The following GALK1 variants were observed in gnomAD, a reference collection of about 807,000 sequenced individuals.
The protein encoded by GALK1 is galactokinase 1.
A neutral mutation model predicts 38.6 loss-of-function variants in GALK1; 30 were observed. That is an observed-to-expected ratio of 0.78 (90% CI 0.58 to 1.05). The LOEUF (loss-of-function observed/expected upper bound fraction) is 1.05. Among genes scored for constraint, GALK1 ranks in the 50% least tolerant of loss-of-function variants. The pLI is 0.00. For synonymous variants in GALK1, 240 were observed against 233.6 expected (o/e 1.03, Z -0.25); for missense variants, 512 against 540.5 (o/e 0.95, Z 0.52).
At position 75,762,888 on chromosome 17, in the gene GALK1, G is replaced by A. The variant is rs375072769; in HGVS notation, c.612-3C>T. ...GCACCAGGCTGGTCTCCAAGGACCT[G>A]GGGTGGAGTTACAATGGGGGAGATG... is the stretch of plus-strand genomic sequence containing the variant. On this transcript the variant is annotated splice_region_variant and splice_polypyrimidine_tract_variant and intron_variant, in intron 4 of 7. Coordinates refer to ENST00000588479, the MANE Select transcript of GALK1 (RefSeq NM_000154.2). 4.9e-5 allele frequency: 79 copies of A among 1,613,146 alleles called. No individual in the cohort carries two copies. Among genetic ancestry groups the A allele is most frequent in the Non-Finnish European group, 6.4e-5 (75 of 1,179,896 alleles).
chr17:75,763,837 T>G, intron 2 of GALK1, 60 bp downstream of exon 2: 1 of 1,470,584 alleles, frequency 6.8e-7, no homozygotes, highest in South Asian at 1.2e-5. Context: ...ATGGGCTCTG[T>G]GGCTGTGAGG....
At chr17:75,756,305 C>A, downstream of GALK1, 1 of 1,066,036 alleles carries the variant, frequency 9.4e-7, no homozygotes, top group Non-Finnish European at 1.4e-6. Context: ...CAACCTGTAC[C>A]CAAACCACAG....
downstream of GALK1, chr17:75,754,779 A>G (rs1401821768): frequency 6.2e-7 from 1 of 1,612,518 alleles, no homozygotes; most frequent in Non-Finnish European, 8.5e-7. Context: ...CACACTGCCC[A>G]GGGACTACTC....
chr17:75,753,356 G>A (rs1176124148), downstream of GALK1, among the ~76,000 whole-genome samples: 1 of 152,162 alleles, frequency 6.6e-6, no homozygotes, highest in African/African-American at 2.4e-5. Flanking sequence ...CGAAGCGCTC[G>A]GTGGCTTGCG....
At chr17:75,760,541 G>A (rs1464371319) in intron 5 of GALK1, among the ~76,000 whole-genome samples, 2 of 151,140 alleles carry the variant, frequency 1.3e-5, no homozygotes, top group African/African-American at 2.4e-5. Flanking sequence ...CAAGGCAGGC[G>A]GATCACTTGA....
At chr17:75,762,645 C>T (rs2061591994) in intron 5 of GALK1, 59 bp downstream of exon 5, 2 of 1,590,176 alleles carry the variant, frequency 1.3e-6, no homozygotes, top group South Asian at 2.2e-5. Context: ...CAAGGCCACA[C>T]TGAGGCGCCA....
chr17:75,753,223 G>A (rs1283757684), downstream of GALK1, among the ~76,000 whole-genome samples: 1 of 152,226 alleles, frequency 6.6e-6, no homozygotes, highest in Non-Finnish European at 1.5e-5. Context: ...AGCTGCCCCC[G>A]GTGAACACAT....
At chr17:75,754,811 C>T (rs2061450259), downstream of GALK1, 2 of 1,614,082 alleles carry the variant, frequency 1.2e-6, no homozygotes, top group East Asian at 4.5e-5. Context: ...CCGTCTCCTC[C>T]CACGGTGAGT....
Position 75,763,399 on chromosome 17 carries a change from T to A in GALK1, c.396A>T (p.Ser132=). 6.2e-7 allele frequency: 1 copy of A among 1,612,124 alleles called. No individual in the cohort carries two copies. Among genetic ancestry groups the A allele is most frequent in the Non-Finnish European group, 8.5e-7 (1 of 1,179,300 alleles). ...LPGFSAVVVS[S]VPLGGGLSSS... Reference sequence around the variant, plus strand: ...TGGACAGGCCACCCCCCAGGGGCACTGAGCTGACCACCACTGCACTGAAGC... The same window carrying A: ...TGGACAGGCCACCCCCCAGGGGCACAGAGCTGACCACCACTGCACTGAAGC... Residue 132 remains serine (S), a synonymous_variant, in exon 3 of 8, where the codon TCA becomes TCT. Coordinates refer to ENST00000588479, the MANE Select transcript of GALK1 (RefSeq NM_000154.2).
At chr17:75,757,663 C>T (rs933840697), downstream of GALK1, 36 of 1,471,084 alleles carry the variant, frequency 2.4e-5, no homozygotes, top group African/African-American at 4.2e-5. Flanking sequence ...CCAGCCCACC[C>T]GCATGCACAG....
intron 5 of GALK1, among the ~76,000 whole-genome samples, 163 bp from the exon 6 acceptor site, chr17:75,758,762 C>A (rs888395307): frequency 1.3e-5 from 2 of 152,200 alleles, no homozygotes; most frequent in African/African-American, 4.8e-5. Flanking sequence ...GTCTGAAGAG[C>A]CCCTTTATCA....
At chr17:75,757,662 C>T (rs746624219), downstream of GALK1, 47 of 1,475,782 alleles carry the variant, frequency 3.2e-5, no homozygotes, top group Non-Finnish European at 4.2e-5. Flanking sequence ...CCCAGCCCAC[C>T]CGCATGCACA....
chr17:75,764,645 G>C, intron 1 of GALK1: 1 of 497,616 alleles, frequency 2.0e-6, no homozygotes, highest in Non-Finnish European at 3.7e-6. Flanking sequence ...CGGAGGCGCG[G>C]AGTGTCCCCT....
In GALK1 at chr17:75,758,538, A is replaced by C. The variant is rs1317231613; in HGVS notation, c.855T>G (p.Ile285Met). Residue 285 changes from isoleucine (I) to methionine (M), a missense_variant, in exon 6 of 8, where the codon ATT (isoleucine) becomes ATG (methionine). Ile to Met is a conservative substitution (Grantham distance 10). Transcript: ENST00000588479. ...FRRARHVVGE[I>M]RRTAQAAAAL... ...CGGCCGCTGCCTGGGCCGTGCGCCGAATCTCCCCCACCACGTGCCGGGCCC... is the reference window on the plus strand; with the variant it reads ...CGGCCGCTGCCTGGGCCGTGCGCCGCATCTCCCCCACCACGTGCCGGGCCC... The C allele has an allele frequency of 2.5e-6, 4 of 1,594,746 alleles. No homozygotes were observed. Among genetic ancestry groups the C allele is most frequent in the East Asian group, 2.3e-5 (1 of 44,412 alleles).
chr17:75,760,151 T>A (rs1342642514), intron 5 of GALK1, among the ~76,000 whole-genome samples: 1 of 152,108 alleles, frequency 6.6e-6, no homozygotes, highest in Non-Finnish European at 1.5e-5. Context: ...TGGAGTGCCA[T>A]GGTGCAATCA....
chr17:75,754,911 T>C, downstream of GALK1: 2 of 1,573,302 alleles, frequency 1.3e-6, no homozygotes, highest in South Asian at 1.1e-5. Context: ...CCACCGCCCA[T>C]TCTCCAACAT....
downstream of GALK1, chr17:75,754,847 A>C: frequency 6.2e-7 from 1 of 1,613,536 alleles, no homozygotes; most frequent in South Asian, 1.1e-5. Context: ...TGCCTCTCCC[A>C]CTAACCCTTC....
downstream of GALK1, chr17:75,757,530 T>C (rs748242118): frequency 6.2e-7 from 1 of 1,613,418 alleles, no homozygotes; most frequent in Admixed American, 1.7e-5. Flanking sequence ...AGCACCCACA[T>C]GGACCAACAG....
downstream of GALK1, chr17:75,757,310 G>A: frequency 6.2e-7 from 1 of 1,612,450 alleles, no homozygotes; most frequent in African/African-American, 1.3e-5. Context: ...CTTCCTAGTG[G>A]GTGAGCACTG....
Sources: allele counts gnomAD v4.1 joint callset (sites outside exome capture counted in the v4.1 genomes callset), GRCh38; gene constraint gnomAD v4.1.1; transcripts MANE v1.5; gene names NCBI Gene and HGNC (gene_info 2026-07-23, HGNC 2026-07-21).